FAM222B: variants seen among roughly 807,000 people sequenced by gnomAD.
The protein encoded by FAM222B is protein FAM222B.
In FAM222B, 12 loss-of-function variants were observed where a neutral mutation model predicts 38.0. The ratio of observed to expected loss-of-function variants is 0.32; its 90% confidence interval spans 0.20 to 0.51. The LOEUF (loss-of-function observed/expected upper bound fraction) is 0.51, where lower values mean the gene tolerates loss of function less well. Ranked by LOEUF, FAM222B falls within the 20% of genes least tolerant of loss-of-function variation. The pLI is 0.97. For synonymous variants in FAM222B, 329 were observed against 317.2 expected (o/e 1.04, Z -0.40); for missense variants, 716 against 754.2 (o/e 0.95, Z 0.59).
At chr17:28,815,984 A>T (rs1392786953) in intron 1 of FAM222B, among the ~76,000 whole-genome samples, 2 of 150,956 alleles carry the variant, frequency 1.3e-5, no homozygotes, top group African/African-American at 4.9e-5. Flanking sequence ...AAAAAAAAAA[A>T]TTAAGGCACG....
At position 28,756,722 on chromosome 17, in the gene FAM222B, C is replaced by G. The variant is rs1187024197; in HGVS notation, c.*1548G>C. 6.6e-6 allele frequency: 1 copy of G among 152,098 alleles called. No homozygotes were observed. The highest frequency in any genetic ancestry group is 6.6e-5 in the Admixed American group (1 of 15,232). 9.4% of individuals were successfully genotyped at this position (152,098 alleles called of 1,614,324 possible). On this transcript the variant is annotated 3_prime_UTR_variant, in exon 3 of 3. Coordinates refer to ENST00000581407, the MANE Select transcript of FAM222B (RefSeq NM_001077498.3). ...TTGCTATCATTTGGCATAACACAAT[C>G]AGGCTTTTTTTTTTTTCTTTTTCCT...
chr17:28,836,993 C>A (rs1314476757), intron 1 of FAM222B, among the ~76,000 whole-genome samples: 1 of 152,048 alleles, frequency 6.6e-6, no homozygotes, highest in African/African-American at 2.4e-5. Context: ...TGGCGGGCAC[C>A]TGTAATCCCA....
chr17:28,785,297 T>C (rs2036354542), intron 1 of FAM222B, among the ~76,000 whole-genome samples: 1 of 152,168 alleles, frequency 6.6e-6, no homozygotes, highest in Non-Finnish European at 1.5e-5. Context: ...TGCCACAAAA[T>C]AATAGTAAGC....
intron 1 of FAM222B, among the ~76,000 whole-genome samples, chr17:28,801,336 C>A (rs1426307417): frequency 6.6e-6 from 1 of 151,188 alleles, no homozygotes; most frequent in Non-Finnish European, 1.5e-5. Flanking sequence ...GCCTGTAGTC[C>A]CAGCTACTCA....
chr17:28,837,702 G>T (rs2038896143), intron 1 of FAM222B, among the ~76,000 whole-genome samples: 1 of 151,534 alleles, frequency 6.6e-6, no homozygotes, highest in South Asian at 2.1e-4. Context: ...GCCCAGGGTG[G>T]AGTGCCATGG....
chr17:28,824,131 C>T (rs917719635), intron 1 of FAM222B, among the ~76,000 whole-genome samples: 2 of 152,058 alleles, frequency 1.3e-5, no homozygotes, highest in Non-Finnish European at 2.9e-5. Flanking sequence ...CCCGCCTCGG[C>T]CTCCCAAAGT....
At chr17:28,781,412 G>C (rs2036163341) in intron 1 of FAM222B, among the ~76,000 whole-genome samples, 1 of 151,964 alleles carries the variant, frequency 6.6e-6, no homozygotes, top group African/African-American at 2.4e-5. Context: ...GTGGAGAAAA[G>C]GAACCTTTGT....
chr17:28,837,044 C>T (rs759064483), intron 1 of FAM222B, among the ~76,000 whole-genome samples: 2 of 152,040 alleles, frequency 1.3e-5, no homozygotes, highest in Admixed American at 6.6e-5. Context: ...TGAACCCGGG[C>T]AGTGGAGGCT....
chr17:28,837,996 T>G (rs544554417), intron 1 of FAM222B, among the ~76,000 whole-genome samples: 72 of 151,978 alleles, frequency 4.7e-4, no homozygotes, highest in Admixed American at 2.5e-3. Context: ...CCGGATGCAG[T>G]GGCTGACGCC....
Position 28,758,959 on chromosome 17 carries a change from T to C in FAM222B, c.1000A>G (p.Thr334Ala), listed in dbSNP as rs1319081268. 1 of 1,610,772 alleles carries C rather than the reference T, an allele frequency of 6.2e-7. No individual in the cohort carries two copies. The highest frequency in any genetic ancestry group is 8.5e-7 in the Non-Finnish European group (1 of 1,178,744). Reference sequence around the variant, plus strand: ...GGACCTGCAGCAGGCAACGCGGCGGTGGCCGCGTGGGTGTGCTCCATGGGA... The same window carrying C: ...GGACCTGCAGCAGGCAACGCGGCGGCGGCCGCGTGGGTGTGCTCCATGGGA... The part of the protein sequence containing the change: ...VNPMEHTHAA[T>A]AALPAAGPVN... The change falls in exon 3 of 3, where the codon ACC becomes GCC. Residue 334 changes from threonine (T) to alanine (A), a missense_variant. Thr to Ala is a moderately conservative substitution (Grantham distance 58). Coordinates refer to ENST00000581407, the MANE Select transcript of FAM222B (RefSeq NM_001077498.3).
intron 1 of FAM222B, among the ~76,000 whole-genome samples, chr17:28,825,491 C>T (rs1236651248): frequency 6.6e-6 from 1 of 151,438 alleles, no homozygotes; most frequent in Non-Finnish European, 1.5e-5. Flanking sequence ...ACCCTAGCTT[C>T]CAAATCTCAC....
intron 1 of FAM222B, among the ~76,000 whole-genome samples, chr17:28,797,381 T>C (rs1024178810): frequency 2.0e-4 from 30 of 152,154 alleles, no homozygotes; most frequent in African/African-American, 6.3e-4. Context: ...GAAGCAGATC[T>C]GTCTCTGAGC....
chr17:28,817,111 TA>T (rs928004535), intron 1 of FAM222B, among the ~76,000 whole-genome samples: 31 of 147,058 alleles, frequency 2.1e-4, no homozygotes, highest in African/African-American at 1.7e-4. Flanking sequence ...ACATGACTGT[TA>T]AAAAAAAAAA....
intron 1 of FAM222B, among the ~76,000 whole-genome samples, chr17:28,833,009 TAAAAAAAAAAAAAA>T (rs779596504): frequency 4.4e-5 from 4 of 90,782 alleles, no homozygotes; most frequent in South Asian, 7.6e-4. Context: ...CTGTCTCTAT[TAAAAAAAAAAAAAA>T]AAAAAAAAAA....
At chr17:28,785,101 T>G (rs190512910) in intron 1 of FAM222B, among the ~76,000 whole-genome samples, 1 of 152,242 alleles carries the variant, frequency 6.6e-6, no homozygotes, top group Admixed American at 6.5e-5. Context: ...GAACAAGTAT[T>G]ATTCTCTTTC....
chr17:28,766,660 G>C lies in FAM222B; in HGVS notation c.8C>G (p.Ala3Gly). 6.2e-7 allele frequency: 1 copy of C among 1,602,642 alleles called. No homozygotes were observed. Among genetic ancestry groups the C allele is most frequent in the Non-Finnish European group, 8.5e-7 (1 of 1,174,420 alleles). ...CAGGTCACCTGGCCCTGGTAGACAG[G>C]CTAGCATGGCAGATTGGCATCAACA... The part of the protein sequence containing the change: ML[A>G]CLPGPGDLSF... The change falls in exon 2 of 3, where the codon GCC becomes GGC. Residue 3 changes from alanine to glycine, a missense_variant. By Grantham distance (60) the Ala-to-Gly change is moderately conservative (BLOSUM62 0). Coordinates refer to ENST00000581407, the MANE Select transcript of FAM222B (RefSeq NM_001077498.3).
chr17:28,824,865 A>C (rs540150092), intron 1 of FAM222B, among the ~76,000 whole-genome samples: 56 of 152,126 alleles, frequency 3.7e-4, no homozygotes, highest in Non-Finnish European at 7.6e-4. Flanking sequence ...ACCCAGGTTC[A>C]AGCAATTCTC....
At chr17:28,816,627 G>A (rs1257367286) in intron 1 of FAM222B, among the ~76,000 whole-genome samples, 3 of 151,396 alleles carry the variant, frequency 2.0e-5, no homozygotes, top group East Asian at 1.9e-4. Context: ...CCAGTAGAAC[G>A]GAATAAAAAA....
chr17:28,821,499 T>C (rs985137217), intron 1 of FAM222B, among the ~76,000 whole-genome samples: 2 of 152,204 alleles, frequency 1.3e-5, no homozygotes, highest in South Asian at 4.1e-4. Flanking sequence ...TTATCCTCAT[T>C]TGACAGCTGA....
Sources: allele counts gnomAD v4.1 joint callset (sites outside exome capture counted in the v4.1 genomes callset), GRCh38; gene constraint gnomAD v4.1.1; transcripts MANE v1.5; gene names NCBI Gene and HGNC (gene_info 2026-07-23, HGNC 2026-07-21).